The following PRKCE variants were observed in gnomAD, a reference collection of about 807,000 sequenced individuals.
PRKCE encodes protein kinase C epsilon type.
A neutral mutation model predicts 85.4 loss-of-function variants in PRKCE; 16 were observed. The observed-to-expected ratio is 0.19, with a 90% CI of 0.13 to 0.28. The LOEUF is 0.28. Ranked by LOEUF, PRKCE falls within the 10% of genes least tolerant of loss-of-function variation. The pLI is 1.00. For missense variants in PRKCE, 573 were observed against 975.2 expected (o/e 0.59, Z 5.49); for synonymous variants, 388 against 371.5 (o/e 1.04, Z -0.51).
intron 1 of PRKCE, chr2:45,675,242 C>T (rs951395048): frequency 6.6e-6 from 1 of 152,218 alleles, no homozygotes. Context: ...AAAACGTTTC[C>T]CCAGACCAGG....
chr2:45,890,911 A>T (rs1426849109), intron 2 of PRKCE, among the ~76,000 whole-genome samples: 2 of 152,214 alleles, frequency 1.3e-5, no homozygotes, highest in African/African-American at 4.8e-5. Context: ...TCCTGACAGC[A>T]CGCATGGTCT....
chr2:45,986,377 C>T (rs1235244087), intron 6 of PRKCE, among the ~76,000 whole-genome samples: 2 of 151,946 alleles, frequency 1.3e-5, no homozygotes, highest in African/African-American at 2.4e-5. Context: ...ATGGATGAGG[C>T]AGAAGGGAGA....
intron 13 of PRKCE, among the ~76,000 whole-genome samples, chr2:46,153,880 G>A (rs1208858852): frequency 2.0e-5 from 3 of 149,822 alleles, no homozygotes; most frequent in African/African-American, 7.4e-5. Flanking sequence ...TCCGCCTCCC[G>A]GGTTCAAGAG....
intron 11 of PRKCE, among the ~76,000 whole-genome samples, chr2:46,134,890 G>A (rs1337277406): frequency 6.6e-6 from 1 of 152,174 alleles, no homozygotes; most frequent in Non-Finnish European, 1.5e-5. Context: ...CCCTCAGCAG[G>A]GATCAGGATT....
intron 2 of PRKCE, among the ~76,000 whole-genome samples, chr2:45,887,619 G>A (rs1302499597): frequency 6.6e-6 from 1 of 151,724 alleles, no homozygotes; most frequent in African/African-American, 2.4e-5. Context: ...GATTGAGAGG[G>A]TCCCACAATC....
chr2:45,668,030 T>C (rs1318653404), intron 1 of PRKCE, among the ~76,000 whole-genome samples: 2 of 152,286 alleles, frequency 1.3e-5, no homozygotes, highest in Admixed American at 1.3e-4. Flanking sequence ...ATATAATGCA[T>C]AGAAAGTGCA....
At chr2:45,744,439 TTCTTTCTTTC>T (rs1682883204) in intron 1 of PRKCE, among the ~76,000 whole-genome samples, 1 of 49,534 alleles carries the variant, frequency 2.0e-5, no homozygotes, top group South Asian at 1.2e-3. Context: ...CTTTCTTTCT[TTCTTTCTTTC>T]TTTCTTTCTT....
intron 2 of PRKCE, among the ~76,000 whole-genome samples, chr2:45,903,887 T>TTGTTTG (rs1696760635): frequency 9.7e-6 from 1 of 102,612 alleles, no homozygotes; most frequent in Non-Finnish European, 2.1e-5. Flanking sequence ...GGCAGTTTTT[T>TTGTTTG]TTTGTTTGTT....
chr2:45,798,621 A>G (rs549780681), intron 1 of PRKCE, among the ~76,000 whole-genome samples: 39 of 152,334 alleles, frequency 2.6e-4, no homozygotes, highest in African/African-American at 8.9e-4. Flanking sequence ...AAAGCAAAAT[A>G]TCAAGTTCAA....
intron 1 of PRKCE, among the ~76,000 whole-genome samples, chr2:45,832,833 TC>T (rs1181195484): frequency 1.3e-5 from 2 of 152,180 alleles, no homozygotes; most frequent in East Asian, 3.8e-4. Flanking sequence ...TTCCTAAGCC[TC>T]AGTTTTGTCA....
intron 1 of PRKCE, among the ~76,000 whole-genome samples, chr2:45,750,997 C>T (rs553176841): frequency 2.0e-5 from 3 of 152,286 alleles, no homozygotes; most frequent in Admixed American, 2.0e-4. Flanking sequence ...CTCTGCATCT[C>T]ACTTGCTTTC....
At chr2:45,875,079 T>C (rs2881067) in intron 2 of PRKCE, among the ~76,000 whole-genome samples, 9,134 of 152,090 alleles carry the variant, frequency 0.06, 951 homozygotes, top group African/African-American at 0.21. Context: ...GTGCCTCCAG[T>C]CTCCACAGGT....
chr2:45,797,442 A>G (rs1687532174), intron 1 of PRKCE, among the ~76,000 whole-genome samples: 1 of 152,218 alleles, frequency 6.6e-6, no homozygotes, highest in Non-Finnish European at 1.5e-5. Flanking sequence ...GGTGCACCAC[A>G]TACCTGTTCA....
At chr2:45,677,815 G>A (rs1676595131) in intron 1 of PRKCE, 2 of 984,576 alleles carry the variant, frequency 2.0e-6, no homozygotes, top group African/African-American at 1.7e-5. Context: ...AGATCGTTGT[G>A]GAAAATTCTG....
chr2:45,979,102 A>G, intron 4 of PRKCE, 92 bp downstream of exon 4: 1 of 1,193,628 alleles, frequency 8.4e-7, no homozygotes, highest in Non-Finnish European at 1.2e-6. Context: ...GTCTGATGAC[A>G]TTTGGAGGCT....
chr2:45,746,077 TGTCTCTGCTTTCC>T (rs1424028098), intron 1 of PRKCE, among the ~76,000 whole-genome samples: 1 of 152,224 alleles, frequency 6.6e-6, no homozygotes, highest in Non-Finnish European at 1.5e-5. Flanking sequence ...CCTAAGTATC[TGTCTCTGCTTTCC>T]GAGATGTTCC....
At chr2:45,941,468 C>T (rs1397585345) in intron 2 of PRKCE, among the ~76,000 whole-genome samples, 1 of 152,212 alleles carries the variant, frequency 6.6e-6, no homozygotes. Context: ...TACAGACCTA[C>T]ATCAAACCAG....
At chr2:46,162,648 C>T (rs909014397) in intron 14 of PRKCE, among the ~76,000 whole-genome samples, 2 of 152,180 alleles carry the variant, frequency 1.3e-5, no homozygotes, top group African/African-American at 4.8e-5. Flanking sequence ...GGAAAGCTGA[C>T]GTTGTGTAAG....
Position 46,110,706 on chromosome 2 carries a change from G to A in PRKCE, c.1592+24344G>A, listed in dbSNP as rs114375098. 8.7e-3 allele frequency among the ~76,000 whole-genome samples: 1,314 copies of A among 151,020 alleles called. 30 individuals are homozygous for A. Among genetic ancestry groups the A allele is most frequent in the African/African-American group, 0.03 (1,233 of 41,194 alleles). On this transcript the variant is annotated intron_variant, in intron 11 of 14. Coordinates refer to ENST00000306156, the MANE Select transcript of PRKCE (RefSeq NM_005400.3). Reference sequence around the variant, plus strand: ...TTTACATTTCATTAATTTATGCTCTGATTTCTATTATTTGTTTGTTTCTGC... The same window carrying A: ...TTTACATTTCATTAATTTATGCTCTAATTTCTATTATTTGTTTGTTTCTGC...
Sources: gnomAD v4.1 joint callset for allele counts (sites outside exome capture counted in the v4.1 genomes callset) on GRCh38, gnomAD v4.1.1 for gene constraint, MANE v1.5 for transcripts, NCBI Gene and HGNC (gene_info 2026-07-23, HGNC 2026-07-21) for gene names.